MAPDA: variants seen among roughly 807,000 people sequenced by gnomAD.
MAPDA encodes N6,N6-dimethyl-AMP deaminase.
At chr15:43,339,700 A>G in the MAPDA span, among the ~76,000 whole-genome samples, 1 of 152,232 alleles carries the variant, frequency 6.6e-6, no homozygotes, top group Non-Finnish European at 1.5e-5. Flanking sequence ...ACTAAATTGG[A>G]TACAGTTTTA....
At chr15:43,351,914 A>G in the MAPDA span, 2 of 1,551,526 alleles carry the variant, frequency 1.3e-6, no homozygotes, top group Non-Finnish European at 8.7e-7. Flanking sequence ...AAGAAATGGA[A>G]TCACCTGAAG....
At chr15:43,351,504 A>C in the MAPDA span, 1 of 489,396 alleles carries the variant, frequency 2.0e-6, no homozygotes, top group Non-Finnish European at 3.6e-6. Context: ...TCCTGGGCAG[A>C]GATAGGCTTT....
chr15:43,335,692 T>C, the MAPDA span: 1 of 1,605,104 alleles, frequency 6.2e-7, no homozygotes, highest in Non-Finnish European at 8.5e-7. Context: ...GTTGTATCTC[T>C]TAGGAACTTC....
the MAPDA span, among the ~76,000 whole-genome samples, chr15:43,336,359 G>A: frequency 6.6e-6 from 1 of 152,104 alleles, no homozygotes; most frequent in African/African-American, 2.4e-5. Flanking sequence ...ATAGTCTTTA[G>A]ATTTGAAAAT....
chr15:43,344,578 A>T, the MAPDA span, among the ~76,000 whole-genome samples: 1 of 151,976 alleles, frequency 6.6e-6, no homozygotes, highest in African/African-American at 2.4e-5. Flanking sequence ...GGAGGCCAAC[A>T]TGGGCAGATC....
At chr15:43,339,012 CAT>C in the MAPDA span, among the ~76,000 whole-genome samples, 42 of 152,248 alleles carry the variant, frequency 2.8e-4, no homozygotes, top group Non-Finnish European at 1.8e-4. Flanking sequence ...GCATTAGTCT[CAT>C]GTGAGCTGGG....
chr15:43,331,770 G>GA, the MAPDA span: 14 of 152,390 alleles, frequency 9.2e-5, no homozygotes, highest in African/African-American at 3.4e-4. Context: ...CAGTGAATAG[G>GA]AGGTGAGTTA....
chr15:43,345,464 T>G, the MAPDA span, among the ~76,000 whole-genome samples: 87 of 151,450 alleles, frequency 5.7e-4, 1 homozygote, highest in African/African-American at 2.0e-3. Flanking sequence ...CTTCAACAAA[T>G]AAGTTACAAG....
chr15:43,330,677 C>G, the MAPDA span: 2 of 590,682 alleles, frequency 3.4e-6, no homozygotes, highest in Non-Finnish European at 5.6e-6. Context: ...AGGGTGTAGC[C>G]AGTGCTAAGT....
chr15:43,342,876 A>G, the MAPDA span: 1 of 700,238 alleles, frequency 1.4e-6, no homozygotes, highest in Non-Finnish European at 2.3e-6. Flanking sequence ...ACTCATCTTT[A>G]ACTATGCCCT....
chr15:43,343,441 CA>C, the MAPDA span, among the ~76,000 whole-genome samples: 1 of 152,002 alleles, frequency 6.6e-6, no homozygotes, highest in Non-Finnish European at 1.5e-5. Context: ...CTAAAATAAG[CA>C]AAAAAGACTG....
the MAPDA span, chr15:43,340,381 C>A: frequency 6.4e-7 from 1 of 1,574,734 alleles, no homozygotes; most frequent in Non-Finnish European, 8.7e-7. Flanking sequence ...AGCAAATGTA[C>A]TGTCCTTTTC....
At chr15:43,335,083 G>C in the MAPDA span, 1 of 1,611,436 alleles carries the variant, frequency 6.2e-7, no homozygotes, top group Non-Finnish European at 8.5e-7. Flanking sequence ...TAAGAGTGGA[G>C]AAGAATCATT....
chr15:43,330,510 T>C, the MAPDA span: 3 of 1,511,426 alleles, frequency 2.0e-6, no homozygotes, highest in East Asian at 7.0e-5. Flanking sequence ...GACTCAGGAA[T>C]GGCAGTCTGT....
the MAPDA span, among the ~76,000 whole-genome samples, chr15:43,349,797 T>C: frequency 7.2e-5 from 11 of 152,332 alleles, no homozygotes; most frequent in Non-Finnish European, 1.0e-4. Context: ...CAATTCATAA[T>C]GGGCTAGATT....
chr15:43,335,091 A>AT, the MAPDA span: 1 of 1,613,148 alleles, frequency 6.2e-7, no homozygotes, highest in Non-Finnish European at 8.5e-7. Context: ...GAGAAGAATC[A>AT]TTTTTTTCCT....
At chr15:43,330,437 T>A in the MAPDA span, 1 of 1,553,914 alleles carries the variant, frequency 6.4e-7, no homozygotes, top group Non-Finnish European at 8.6e-7. Flanking sequence ...GGCGCTGCTG[T>A]CGTTGGTGTT....
the MAPDA span, among the ~76,000 whole-genome samples, chr15:43,333,157 C>T: frequency 1.3e-5 from 2 of 152,116 alleles, no homozygotes; most frequent in Admixed American, 6.5e-5. Context: ...CGCAGTGGCT[C>T]GCTCCTGTAA....
At chr15:43,334,710 T>C in the MAPDA span, among the ~76,000 whole-genome samples, 10 of 141,344 alleles carry the variant, frequency 7.1e-5, no homozygotes, top group Non-Finnish European at 1.5e-4. Flanking sequence ...TTGAAGTCGT[T>C]GTATAGAAGG....
Sources: allele counts gnomAD v4.1 joint callset (sites outside exome capture counted in the v4.1 genomes callset), GRCh38; gene constraint gnomAD v4.1.1; transcripts MANE v1.5; gene names NCBI Gene and HGNC (gene_info 2026-07-23, HGNC 2026-07-21).